Variants in SOAT1 observed in about 807,000 individuals in gnomAD.
The protein encoded by SOAT1 is sterol O-acyltransferase 1, also known as acyl-coenzyme A:cholesterol acyltransferase 1.
A neutral mutation model predicts 69.5 loss-of-function variants in SOAT1; 55 were observed. The observed-to-expected ratio is 0.79, with a 90% CI of 0.64 to 0.99. SOAT1 has a LOEUF of 0.99. SOAT1 is among the 50% of genes least tolerant of loss of function. The probability of loss-of-function intolerance (pLI) is 0.00; values close to 1 mark genes in which losing one functional copy is unlikely to be tolerated. For synonymous variants in SOAT1, 231 were observed against 224.7 expected, an observed-to-expected ratio of 1.03 and a Z score of -0.25; for missense variants, 580 against 669.3, an observed-to-expected ratio of 0.87 and a Z score of 1.47.
At chr1:179,308,558 G>A (rs7414502) in intron 2 of SOAT1, among the ~76,000 whole-genome samples, 33,854 of 151,320 alleles carry the variant, frequency 0.22, 4,630 homozygotes, top group East Asian at 0.38. Context: ...TGTAATCTAA[G>A]CTACTCAGGA....
At chr1:179,346,176 T>G (rs1264057229) in intron 11 of SOAT1, among the ~76,000 whole-genome samples, 1 of 152,202 alleles carries the variant, frequency 6.6e-6, no homozygotes, top group Non-Finnish European at 1.5e-5. Context: ...ACTCTGTATC[T>G]GTCCCTAAAA....
chr1:179,341,707 G>T (rs1210704486), intron 7 of SOAT1, among the ~76,000 whole-genome samples: 1 of 151,808 alleles, frequency 6.6e-6, no homozygotes, highest in Non-Finnish European at 1.5e-5. Flanking sequence ...GCTAATTTTT[G>T]TATTTTTAGT....
In SOAT1 at chr1:179,342,096, T is replaced by C; in HGVS notation, c.781-18T>C. 6.2e-7 allele frequency: 1 copy of C among 1,613,326 alleles called. No individual in the cohort carries two copies. The highest frequency in any genetic ancestry group is 8.5e-7 in the Non-Finnish European group (1 of 1,179,430). ...AGACTTTCTTTGAAGAGACATCTTT[T>C]TCCTCCTGCTTTTGTAGATTCGTTT... On this transcript the variant is annotated intron_variant, in intron 7 of 15. Transcript: ENST00000367619.
chr1:179,338,569 T>C (rs1666233897), intron 5 of SOAT1, among the ~76,000 whole-genome samples: 1 of 152,244 alleles, frequency 6.6e-6, no homozygotes, highest in Non-Finnish European at 1.5e-5. Flanking sequence ...TTTCTAAGCA[T>C]GTAATGTATA....
chr1:179,353,877 G>C lies in SOAT1; in HGVS notation c.*236G>C, dbSNP rs577175786. 4.0e-6 allele frequency: 2 copies of C among 498,160 alleles called. No individual in the cohort carries two copies. Among genetic ancestry groups the C allele is most frequent in the African/African-American group, 4.0e-5 (2 of 49,908 alleles). The allele number at this position is 498,160 out of a possible 1,614,324, so 30.9% of individuals were successfully genotyped here. ...TGGGGCTGGGTGGGGGGAGAAGACC[G>C]ACTAACAGCTGAAGTAATGACAGAT... is the stretch of plus-strand genomic sequence containing the variant. On this transcript the variant is annotated 3_prime_UTR_variant, in exon 16 of 16. Transcript: ENST00000367619.
At chr1:179,329,820 T>G (rs1665914611) in intron 3 of SOAT1, among the ~76,000 whole-genome samples, 1 of 152,208 alleles carries the variant, frequency 6.6e-6, no homozygotes, top group Non-Finnish European at 1.5e-5. Flanking sequence ...ATCCTGTGAT[T>G]ATTGTGTAAG....
chr1:179,345,549 CTT>C (rs1666499838), intron 11 of SOAT1, among the ~76,000 whole-genome samples: 1 of 151,590 alleles, frequency 6.6e-6, no homozygotes, highest in Admixed American at 6.6e-5. Context: ...TTAAATCTCT[CTT>C]GTCACTGTTT....
At chr1:179,343,520 A>G in intron 9 of SOAT1, 70 bp from the exon 10 acceptor site, 1 of 1,391,708 alleles carries the variant, frequency 7.2e-7, no homozygotes. Context: ...AAAAACATTA[A>G]TTGTGAGGGT....
chr1:179,342,751 C>G, intron 8 of SOAT1, 111 bp from the exon 9 acceptor site: 1 of 707,102 alleles, frequency 1.4e-6, no homozygotes, highest in Non-Finnish European at 2.5e-6. Context: ...AGAACATGAG[C>G]TGATAAGTCA....
At chr1:179,338,302 C>T (rs1274509008) in intron 5 of SOAT1, among the ~76,000 whole-genome samples, 2 of 152,060 alleles carry the variant, frequency 1.3e-5, no homozygotes, top group Admixed American at 6.6e-5. Context: ...ACAGGAGGAT[C>T]GCTTGAGCCC....
In SOAT1 at chr1:179,347,528, A is replaced by G. The variant is rs574113617; in HGVS notation, c.1118-72A>G. ...AAAATAATCCCAGCTAAATAAAATG[A>G]TGTGATATAATTAGTTGCTTGGTAT... is the stretch of plus-strand genomic sequence containing the variant. On this transcript the variant is annotated intron_variant, in intron 11 of 15. Transcript: ENST00000367619. 8 of 805,950 alleles carry G rather than the reference A, an allele frequency of 9.9e-6. No homozygotes were observed. In the African/African-American group the frequency reaches 1.2e-4, roughly 12 times the overall value. The allele number at this position is 805,950 out of a possible 1,614,324, so 49.9% of individuals were successfully genotyped here.
At position 179,302,811 on chromosome 1, in the gene SOAT1, T is replaced by A. The variant is rs750546684; in HGVS notation, c.118+9T>A. The A allele has an allele frequency of 5.3e-6, 8 of 1,508,280 alleles. No individual in the cohort carries two copies. The highest frequency in any genetic ancestry group is 7.2e-6 in the Non-Finnish European group (8 of 1,116,290). 93.4% of individuals were successfully genotyped at this position (1,508,280 alleles called of 1,614,324 possible). The stretch of plus-strand genomic sequence containing the variant: ...AGAGACACCTAGTAATGGTGAGGCT[T>A]AATTTTTTTTTTTTAGGTGAATTAG... On this transcript the variant is annotated intron_variant, in intron 2 of 15. Transcript: ENST00000367619.
intron 1 of SOAT1, among the ~76,000 whole-genome samples, chr1:179,302,328 C>G (rs1664858075): frequency 6.6e-6 from 1 of 152,216 alleles, no homozygotes; most frequent in Admixed American, 6.5e-5. Context: ...CCACACAAAT[C>G]TCATCTCTAA....
chr1:179,340,410 A>C (rs558370826), intron 6 of SOAT1, among the ~76,000 whole-genome samples: 1 of 152,110 alleles, frequency 6.6e-6, no homozygotes, highest in African/African-American at 2.4e-5. Context: ...TGAGCCAGGG[A>C]GGTTGAGGCT....
At chr1:179,297,397 C>CG (rs1306044487) in intron 1 of SOAT1, among the ~76,000 whole-genome samples, 1 of 152,034 alleles carries the variant, frequency 6.6e-6, no homozygotes, top group African/African-American at 2.4e-5. Flanking sequence ...AGTGCAGTGG[C>CG]GCGATCTCGG....
chr1:179,344,351 G>T (rs1258568152), intron 10 of SOAT1, among the ~76,000 whole-genome samples: 61 of 4,402 alleles, frequency 0.014, no homozygotes, highest in Non-Finnish European at 0.022. Flanking sequence ...TTTCATTAAG[G>T]GGTTTTTTTT....
At chr1:179,342,455 TCA>T (rs1240937532) in intron 8 of SOAT1, among the ~76,000 whole-genome samples, 3 of 152,132 alleles carry the variant, frequency 2.0e-5, no homozygotes, top group Non-Finnish European at 4.4e-5. Flanking sequence ...GTGTTTTATT[TCA>T]AATATATATT....
intron 3 of SOAT1, among the ~76,000 whole-genome samples, chr1:179,333,662 C>T (rs1045354824): frequency 3.2e-4 from 48 of 152,028 alleles, no homozygotes; most frequent in Non-Finnish European, 6.2e-4. Context: ...GGAGAAACCC[C>T]GTCTCTACTA....
At chr1:179,294,119 C>T (rs1664547037) in intron 1 of SOAT1, among the ~76,000 whole-genome samples, 183 bp downstream of exon 1, 1 of 152,214 alleles carries the variant, frequency 6.6e-6, no homozygotes, top group Non-Finnish European at 1.5e-5. Context: ...GGAAAGTTAC[C>T]GTCAGGCGCC....
Sources: allele counts gnomAD v4.1 joint callset (sites outside exome capture counted in the v4.1 genomes callset), GRCh38; gene constraint gnomAD v4.1.1; transcripts MANE v1.5; gene names NCBI Gene and HGNC (gene_info 2026-07-23, HGNC 2026-07-21).